CDC73: variants seen among roughly 807,000 people sequenced by gnomAD.
The protein encoded by CDC73 is cell division cycle 73.
A neutral mutation model predicts 83.7 loss-of-function variants in CDC73; 21 were observed. The observed-to-expected ratio is 0.25, with a 90% CI of 0.18 to 0.36. The LOEUF (loss-of-function observed/expected upper bound fraction) is 0.36, where lower values mean the gene tolerates loss of function less well. Among genes scored for constraint, CDC73 ranks in the 10% least tolerant of loss-of-function variants. The pLI, the probability that CDC73 is intolerant of heterozygous loss-of-function variation, is 1.00. For synonymous variants in CDC73, 224 were observed against 212.9 expected (o/e 1.05, Z -0.45); for missense variants, 342 against 653.3 (o/e 0.52, Z 5.19).
chr1:193,241,960 T>C (rs1187318897), intron 15 of CDC73, among the ~76,000 whole-genome samples: 1 of 152,188 alleles, frequency 6.6e-6, no homozygotes, highest in Non-Finnish European at 1.5e-5. Flanking sequence ...TAAGCAGGCA[T>C]CTGGGGCATG....
chr1:193,135,360 A>T, intron 3 of CDC73, 31 bp from the exon 4 acceptor site: 1 of 1,550,868 alleles, frequency 6.4e-7, no homozygotes, highest in Non-Finnish European at 8.9e-7. Flanking sequence ...TTGAAATAGT[A>T]ATCCTTACGT....
In CDC73 at chr1:193,251,018, A is replaced by G; in HGVS notation, c.*306A>G. The G allele has an allele frequency of 2.7e-6, 1 of 367,630 alleles. No individual in the cohort carries two copies. The highest frequency in any genetic ancestry group is 4.7e-5 in the South Asian group (1 of 21,328). The allele number at this position is 367,630 out of a possible 1,614,324, so 22.8% of individuals were successfully genotyped here. ...ATAAATGCAGGTTATAAATGTGTGT[A>G]TATTTAGAGATTATAAGGCTCTCTG... is the stretch of plus-strand genomic sequence containing the variant. On this transcript the variant is annotated 3_prime_UTR_variant, in exon 17 of 17. Coordinates refer to ENST00000367435, the MANE Select transcript of CDC73 (RefSeq NM_024529.5).
intron 5 of CDC73, chr1:193,136,729 G>T: frequency 6.3e-6 from 1 of 158,690 alleles, no homozygotes. Flanking sequence ...TGTGACCTGT[G>T]GTAAACAATG....
At chr1:193,212,531 A>G in intron 13 of CDC73, 54 bp downstream of exon 13, 1 of 1,159,086 alleles carries the variant, frequency 8.6e-7, no homozygotes, top group Non-Finnish European at 1.3e-6. Flanking sequence ...ACCATTGGAA[A>G]ATAGTAGTTA....
chr1:193,187,281 C>T (rs1676830730), intron 10 of CDC73, among the ~76,000 whole-genome samples: 1 of 151,524 alleles, frequency 6.6e-6, no homozygotes, highest in African/African-American at 2.4e-5. Flanking sequence ...TTTATTTTTC[C>T]TTCCCTTTAA....
chr1:193,238,858 AGT>A (rs777698438), intron 15 of CDC73, among the ~76,000 whole-genome samples: 28 of 152,294 alleles, frequency 1.8e-4, no homozygotes, highest in Admixed American at 2.6e-4. Context: ...CTTCACATTG[AGT>A]AGGTTGAGGA....
chr1:193,180,585 C>T (rs763779071), intron 10 of CDC73: 2 of 1,614,096 alleles, frequency 1.2e-6, no homozygotes, highest in African/African-American at 1.3e-5. Context: ...CTTTAAAAAT[C>T]TTTTCTGCCA....
intron 3 of CDC73, among the ~76,000 whole-genome samples, chr1:193,133,210 G>T (rs577045027): frequency 6.6e-6 from 1 of 151,868 alleles, no homozygotes; most frequent in Non-Finnish European, 1.5e-5. Context: ...AGTTTTTATA[G>T]GACAGAGTTA....
intron 10 of CDC73, among the ~76,000 whole-genome samples, chr1:193,188,817 C>T (rs1047089045): frequency 6.6e-6 from 1 of 152,052 alleles, no homozygotes; most frequent in Admixed American, 6.5e-5. Flanking sequence ...CCCCCCGCCC[C>T]GAACTGCTTG....
intron 1 of CDC73, among the ~76,000 whole-genome samples, chr1:193,122,991 G>T (rs1194670865): frequency 6.6e-6 from 1 of 152,116 alleles, no homozygotes; most frequent in African/African-American, 2.4e-5. Flanking sequence ...TATTTTAAAG[G>T]GAAATGTTTG....
intron 2 of CDC73, 52 bp downstream of exon 2, chr1:193,125,269 T>G: frequency 8.8e-7 from 1 of 1,141,744 alleles, no homozygotes; most frequent in East Asian, 2.5e-5. Context: ...TTATTTTTAT[T>G]TATTTAAGAG....
chr1:193,155,503 C>T (rs1484188535), intron 10 of CDC73, among the ~76,000 whole-genome samples: 2 of 152,254 alleles, frequency 1.3e-5, no homozygotes, highest in Admixed American at 1.3e-4. Context: ...TTAGGCCAGG[C>T]GCAGTGGCTC....
At position 193,152,376 on chromosome 1, in the gene CDC73, G is replaced by T. The variant is rs748472788; in HGVS notation, c.908-4G>T. ...CTTAACAATAAGCCTCTTTTTTTTC[G>T]TAGAAACGGAAGGCTTCAAAATTGA... On this transcript the variant is annotated splice_region_variant and splice_polypyrimidine_tract_variant and intron_variant, in intron 9 of 16. Transcript: ENST00000367435. The T allele has an allele frequency of 3.1e-6, 5 of 1,598,388 alleles. No individual in the cohort carries two copies. In the South Asian group the frequency reaches 3.3e-5, roughly 11 times the overall value.
chr1:193,222,390 C>T (rs1677487549), intron 13 of CDC73, among the ~76,000 whole-genome samples: 2 of 152,180 alleles, frequency 1.3e-5, no homozygotes, highest in African/African-American at 2.4e-5. Context: ...GAAAAATTAC[C>T]AGAGCGTAGA....
intron 13 of CDC73, among the ~76,000 whole-genome samples, chr1:193,217,409 T>A (rs1342349003): frequency 6.6e-6 from 1 of 152,040 alleles, no homozygotes; most frequent in African/African-American, 2.4e-5. Context: ...GCTTGGAGAA[T>A]GAGTGCAAGG....
intron 15 of CDC73, among the ~76,000 whole-genome samples, chr1:193,239,960 G>A (rs1293526974): frequency 6.6e-6 from 1 of 152,042 alleles, no homozygotes; most frequent in Non-Finnish European, 1.5e-5. Context: ...CTGTATGTTT[G>A]TACACATTAA....
In CDC73 at chr1:193,236,353, A is replaced by G. The variant is rs1677757689; in HGVS notation, c.1414A>G (p.Lys472Glu). Residue 472 changes from lysine to glutamate, a missense_variant, in exon 15 of 17, where the codon AAA (lysine) becomes GAA (glutamate). Physicochemically the swap from Lys to Glu is moderately conservative, Grantham distance 56. Around this residue, in one of 3 missense-constraint regions of CDC73, gnomAD observed 239 missense variants for 420.6 expected, o/e 0.57. Transcript: ENST00000367435. ...TGGATCACCAGTTGATATATTTGCT[A>G]AAAGTAAGATTCTCTTTGTATTTAC... The part of the protein sequence containing the change: ...PDGSPVDIFA[K>E]IKAFHLKYDE... 1 of 1,581,946 alleles carries G rather than the reference A, an allele frequency of 6.3e-7. No individual in the cohort carries two copies.
chr1:193,156,301 T>G (rs1676206731), intron 10 of CDC73, among the ~76,000 whole-genome samples: 1 of 152,194 alleles, frequency 6.6e-6, no homozygotes, highest in Non-Finnish European at 1.5e-5. Context: ...GACTCTAACC[T>G]CTATTTGTTC....
intron 13 of CDC73, among the ~76,000 whole-genome samples, chr1:193,217,593 C>G (rs1365787870): frequency 6.6e-6 from 1 of 151,982 alleles, no homozygotes. Flanking sequence ...ATGTGTTCCT[C>G]ACATCCAGCT....
Sources: gnomAD v4.1 joint callset for allele counts (sites outside exome capture counted in the v4.1 genomes callset) on GRCh38, gnomAD v4.1.1 for gene constraint, gnomAD v4.1.1 regional missense constraint, MANE v1.5 for transcripts, NCBI Gene and HGNC (gene_info 2026-07-23, HGNC 2026-07-21) for gene names.